Variants in ZW10 observed in about 807,000 individuals in gnomAD.
ZW10 encodes the protein zw10 kinetochore protein.
A neutral mutation model predicts 87.8 loss-of-function variants in ZW10; 53 were observed. The observed-to-expected ratio is 0.60, with a 90% confidence interval of 0.48 to 0.76. The LOEUF (loss-of-function observed/expected upper bound fraction) is 0.76, where lower values mean the gene tolerates loss of function less well. Ranked by LOEUF, ZW10 falls within the 30% of genes least tolerant of loss-of-function variation. The pLI, the probability that ZW10 is intolerant of heterozygous loss-of-function variation, is 0.00. For missense variants in ZW10, 837 were observed against 923.0 expected, an observed-to-expected ratio of 0.91 and a Z score of 1.21; for synonymous variants, 312 against 329.2, an observed-to-expected ratio of 0.95 and a Z score of 0.57.
chr11:113,772,694 C>G (rs909568025), intron 1 of ZW10, among the ~76,000 whole-genome samples: 1 of 151,784 alleles, frequency 6.6e-6, no homozygotes, highest in Non-Finnish European at 1.5e-5. Flanking sequence ...ATTAAGAGGC[C>G]GGAGACGGTG....
chr11:113,744,077 T>C (rs1271028222), intron 9 of ZW10, 37 bp from the exon 10 acceptor site: 13 of 1,534,544 alleles, frequency 8.5e-6, no homozygotes, highest in Non-Finnish European at 1.2e-5. Flanking sequence ...AAATATATTG[T>C]TTTCAGAATA....
Position 113,733,773 on chromosome 11 carries a change from G to C in ZW10, c.2261C>G (p.Ser754Cys), listed in dbSNP as rs1490159474. The change falls in exon 16 of 16, where the codon TCC becomes TGC. Residue 754 changes from serine to cysteine, a missense_variant. Transcript: ENST00000200135. ...ACGAATTAAAGCTTTTACTTCACTG[G>C]AAGAGAACGCAGCTGCCAGGGGTCC... Reference protein sequence around the residue: ...GKGPLAAAFSSSEVKALIRAL... With the variant: ...GKGPLAAAFSCSEVKALIRAL... 2 of 1,613,344 alleles carry C rather than the reference G, an allele frequency of 1.2e-6. No homozygotes were observed. Among genetic ancestry groups the C allele is most frequent in the Non-Finnish European group, 1.7e-6 (2 of 1,179,608 alleles).
At chr11:113,756,561 G>C (rs995207762) in intron 7 of ZW10, among the ~76,000 whole-genome samples, 1 of 152,146 alleles carries the variant, frequency 6.6e-6, no homozygotes, top group African/African-American at 2.4e-5. Flanking sequence ...TACTATTTAA[G>C]AGTACAGGTA....
In ZW10 at chr11:113,736,654, T is replaced by C; in HGVS notation, c.2185A>G (p.Met729Val). 6.2e-7 allele frequency: 1 copy of C among 1,614,204 alleles called. No individual in the cohort carries two copies. The highest frequency in any genetic ancestry group is 8.5e-7 in the Non-Finnish European group (1 of 1,180,024). ...ATTTCTTGCAAGCTGGCTTGTAGCATCATCATCAATTCCTTGAATGGCATC... is the reference window on the plus strand; with the variant it reads ...ATTTCTTGCAAGCTGGCTTGTAGCACCATCATCAATTCCTTGAATGGCATC... The part of the protein sequence containing the change: ...KWMPFKELMM[M>V]LQASLQEIGD... Residue 729 changes from methionine (M) to valine (V), a missense_variant, in exon 15 of 16, where the codon ATG becomes GTG. Transcript: ENST00000200135.
intron 2 of ZW10, among the ~76,000 whole-genome samples, chr11:113,762,784 C>G (rs1399472349): frequency 6.6e-6 from 1 of 152,182 alleles, no homozygotes; most frequent in Non-Finnish European, 1.5e-5. Flanking sequence ...TCCCAAAGTG[C>G]TGGGATTACA....
chr11:113,757,720 T>G lies in ZW10; in HGVS notation c.867A>C (p.Pro289=), dbSNP rs1244697124. The G allele has an allele frequency of 2.5e-6, 4 of 1,612,854 alleles. No individual in the cohort carries two copies. The East Asian group carries it at 8.9e-5, about 36-fold the overall frequency. ...SIMTNLEYPS[P]SEVFTKIRLV... is the part of the protein sequence containing the mutation. ...GTCTGATCTTTGTAAAAACTTCAGA[T>G]GGTGATGGATATTCCAAGTTAGTCA... is the stretch of plus-strand genomic sequence containing the variant. Residue 289 remains proline, a synonymous_variant, in exon 7 of 16, where the codon CCA becomes CCC. Transcript: ENST00000200135.
At position 113,763,608 on chromosome 11, in the gene ZW10, T is replaced by C. The variant is rs539649393; in HGVS notation, c.241-2690A>G. On this transcript the variant is annotated intron_variant, in intron 2 of 15. Coordinates refer to ENST00000200135, the MANE Select transcript of ZW10 (RefSeq NM_004724.4). Reference sequence around the variant, plus strand: ...ATTGTGGTTTTGATTTGCATTTCTCTGATTCAGTGATGTTGAGCCTTTTTT... The same window carrying C: ...ATTGTGGTTTTGATTTGCATTTCTCCGATTCAGTGATGTTGAGCCTTTTTT... Among the ~76,000 whole-genome samples, 4 of 152,356 alleles carry C rather than the reference T, an allele frequency of 2.6e-5. No individual in the cohort carries two copies. The South Asian group carries it at 8.3e-4, about 32-fold the overall frequency.
chr11:113,771,863 G>T, intron 1 of ZW10, among the ~76,000 whole-genome samples: 1 of 151,892 alleles, frequency 6.6e-6, no homozygotes, highest in East Asian at 1.9e-4. Context: ...TTTGACAGAG[G>T]AATAAATACA....
At chr11:113,772,818 CAAAAAA>C (rs58651654) in intron 1 of ZW10, among the ~76,000 whole-genome samples, 6 of 93,566 alleles carry the variant, frequency 6.4e-5, no homozygotes, top group East Asian at 5.4e-4. Flanking sequence ...ACTAAAAATA[CAAAAAA>C]AAAAAAAAAA....
chr11:113,766,698 A>AAAT (rs1226578405), intron 2 of ZW10, among the ~76,000 whole-genome samples: 19 of 119,502 alleles, frequency 1.6e-4, no homozygotes, highest in African/African-American at 3.5e-4. Flanking sequence ...AAAAAAAAAA[A>AAAT]TTAATTTTTA....
chr11:113,767,162 C>T (rs948538950), intron 2 of ZW10, among the ~76,000 whole-genome samples: 1 of 146,446 alleles, frequency 6.8e-6, no homozygotes, highest in Non-Finnish European at 1.5e-5. Context: ...AGCCTGCTTA[C>T]CAAACTACGA....
Position 113,760,906 on chromosome 11 carries a change from G to A in ZW10, c.253C>T (p.Leu85Phe). Residue 85 changes from leucine to phenylalanine, a missense_variant, in exon 3 of 16, where the codon CTT (leucine) becomes TTT (phenylalanine). By Grantham distance (22) the Leu-to-Phe change is conservative. Coordinates refer to ENST00000200135, the MANE Select transcript of ZW10 (RefSeq NM_004724.4). ...SRIESEVRRD[L>F]HVSTGEFTDL... is the part of the protein sequence containing the mutation. Reference sequence around the variant, plus strand: ...GTAAATTCACCGGTTGATACGTGAAGATCCCGGCGGACCTAATTCACACAT... The same window carrying A: ...GTAAATTCACCGGTTGATACGTGAAAATCCCGGCGGACCTAATTCACACAT... 1 of 1,613,924 alleles carries A rather than the reference G, an allele frequency of 6.2e-7. No homozygotes were observed. The highest frequency in any genetic ancestry group is 1.1e-5 in the South Asian group (1 of 91,068).
intron 15 of ZW10, 48 bp downstream of exon 15, chr11:113,736,572 C>T: frequency 6.3e-7 from 1 of 1,592,138 alleles, no homozygotes; most frequent in Non-Finnish European, 8.6e-7. Flanking sequence ...CTATTACTCT[C>T]TTGTAGCTAT....
At position 113,758,572 on chromosome 11, in the gene ZW10, T is replaced by C; in HGVS notation, c.715A>G (p.Ser239Gly). ...LAFSVLGELH[S>G]KLKSFGQMLL... ...GCCTTACCAAATGATTTAAGCTTGC[T>C]GTGTAGTTCTCCAAGAACAGAAAAT... The change falls in exon 6 of 16, where the codon AGC becomes GGC. Residue 239 changes from serine (S) to glycine (G), a missense_variant. Ser to Gly is a moderately conservative substitution (Grantham distance 56). Transcript: ENST00000200135. 1 of 1,614,048 alleles carries C rather than the reference T, an allele frequency of 6.2e-7. No individual in the cohort carries two copies. The highest frequency in any genetic ancestry group is 1.3e-5 in the African/African-American group (1 of 75,052).
intron 2 of ZW10, among the ~76,000 whole-genome samples, chr11:113,768,330 C>T (rs373025191): frequency 6.6e-6 from 1 of 152,186 alleles, no homozygotes; most frequent in Non-Finnish European, 1.5e-5. Context: ...TCCAGACCAG[C>T]CATCTTTCAA....
At chr11:113,740,817 G>A (rs61905736) in intron 11 of ZW10, among the ~76,000 whole-genome samples, 12,655 of 152,230 alleles carry the variant, frequency 0.083, 624 homozygotes, top group Non-Finnish European at 0.11. Flanking sequence ...AGACTTCCAC[G>A]TGATTCTGAT....
At chr11:113,772,057 T>C (rs1953973168) in intron 1 of ZW10, among the ~76,000 whole-genome samples, 1 of 151,992 alleles carries the variant, frequency 6.6e-6, no homozygotes, top group South Asian at 2.1e-4. Context: ...TTTTTTTTTA[T>C]GCAGGAGACA....
chr11:113,760,874 TA>T lies in ZW10; in HGVS notation c.284del (p.Leu95Ter), dbSNP rs752284796. The T allele has an allele frequency of 1.2e-6, 2 of 1,614,100 alleles. No homozygotes were observed. The highest frequency in any genetic ancestry group is 3.3e-5 in the Admixed American group (2 of 60,006). On this transcript the variant is annotated frameshift_variant, in exon 3 of 16. Transcript: ENST00000200135. LOFTEE classifies it high-confidence loss of function. ...CTGAGTCTCTTTCCAACTGCTGCTT[TA>T]AGTCTGTAAATTCACCGGTTGATAC... The part of the protein sequence containing the change: ...LHVSTGEFTD[L>X]KQQLERDSVV...
At chr11:113,767,969 T>C (rs1180162675) in intron 2 of ZW10, among the ~76,000 whole-genome samples, 1 of 152,210 alleles carries the variant, frequency 6.6e-6, no homozygotes, top group Non-Finnish European at 1.5e-5. Context: ...CCATTTCCTA[T>C]AGGAAGCCAT....
Sources: allele counts gnomAD v4.1 joint callset (sites outside exome capture counted in the v4.1 genomes callset), GRCh38; gene constraint gnomAD v4.1.1; transcripts MANE v1.5; gene names NCBI Gene and HGNC (gene_info 2026-07-23, HGNC 2026-07-21).